Variants in FNDC11 observed in about 807,000 individuals in gnomAD.
The protein encoded by FNDC11 is fibronectin type III domain-containing protein 11.
In FNDC11, 15 loss-of-function variants were observed where a neutral mutation model predicts 15.8. The observed-to-expected ratio is 0.95, with a 90% CI of 0.63 to 1.46. The LOEUF (loss-of-function observed/expected upper bound fraction) is 1.46, where lower values mean the gene tolerates loss of function less well. FNDC11 is among the 40% of genes most tolerant of loss of function. The pLI is 0.00. For synonymous variants in FNDC11, 190 were observed against 203.1 expected, an observed-to-expected ratio of 0.94 and a Z score of 0.55; for missense variants, 416 against 443.4, an observed-to-expected ratio of 0.94 and a Z score of 0.55.
chr20:63,556,373 C>G lies in FNDC11; in HGVS notation c.710C>G (p.Ser237Trp). ...RWFVTIQPAT[S>W]EQYELRFRLL... ...TTCGTCACCATCCAGCCAGCCACAT[C>G]GGAGCAGTATGAGTTGCGCTTCAGG... Residue 237 changes from serine to tryptophan, a missense_variant, in exon 2 of 2, where the codon TCG (serine) becomes TGG (tryptophan). Ser to Trp is a radical substitution (Grantham distance 177, BLOSUM62 -3). Transcript: ENST00000370097. 1.2e-6 allele frequency: 2 copies of G among 1,612,582 alleles called. No individual in the cohort carries two copies. Among genetic ancestry groups the G allele is most frequent in the Non-Finnish European group, 1.7e-6 (2 of 1,179,998 alleles).
upstream of FNDC11, chr20:63,553,861 C>A (rs2082782465): frequency 1.3e-5 from 2 of 152,330 alleles, no homozygotes; most frequent in East Asian, 3.9e-4. Context: ...AGCAGGAACT[C>A]CCTCCCAGTC....
Position 63,556,256 on chromosome 20 carries a change from C to T in FNDC11, c.593C>T (p.Pro198Leu), listed in dbSNP as rs371832022. The T allele has an allele frequency of 3.0e-5, 48 of 1,596,216 alleles. No homozygotes were observed. The highest frequency in any genetic ancestry group is 1.2e-4 in the Admixed American group (7 of 59,536). ...TCTGATGTCAGTGCCACCAAGATCC[C>T]GCACATCTGGCTCATGCTGAGCACC... ...LVSDVSATKI[P>L]HIWLMLSTKM... Residue 198 changes from proline (P) to leucine (L), a missense_variant, in exon 2 of 2, where the codon CCG (proline) becomes CTG (leucine). Physicochemically the swap from Pro to Leu is moderately conservative, Grantham distance 98. Transcript: ENST00000370097.
Position 63,555,829 on chromosome 20 carries a change from C to A in FNDC11, c.166C>A (p.Leu56Met), listed in dbSNP as rs762719641. The A allele has an allele frequency of 4.3e-6, 7 of 1,613,492 alleles. No homozygotes were observed. In the South Asian group the frequency reaches 4.4e-5, roughly 10 times the overall value. Residue 56 changes from leucine to methionine, a missense_variant, in exon 2 of 2, where the codon CTG becomes ATG. Physicochemically the swap from Leu to Met is conservative, Grantham distance 15. Coordinates refer to ENST00000370097, the MANE Select transcript of FNDC11 (RefSeq NM_001319152.2). ...NALREFLTSDLSPHLLKRHHA... is the reference protein window; with the variant it reads ...NALREFLTSDMSPHLLKRHHA... ...CCTGCGTGAGTTCCTGACCTCGGAC[C>A]TGAGTCCGCACCTGCTCAAGCGCCA... is the stretch of plus-strand genomic sequence containing the variant.
At position 63,556,245 on chromosome 20, in the gene FNDC11, C is replaced by T. The variant is rs138506313; in HGVS notation, c.582C>T (p.Ala194=). ...VKHRLVSDVS[A]TKIPHIWLML... The stretch of plus-strand genomic sequence containing the variant: ...ACCGCCTGGTGTCTGATGTCAGTGC[C>T]ACCAAGATCCCGCACATCTGGCTCA... The change falls in exon 2 of 2, where the codon GCC becomes GCT. Residue 194 remains alanine, a synonymous_variant. Coordinates refer to ENST00000370097, the MANE Select transcript of FNDC11 (RefSeq NM_001319152.2). 53 of 1,594,538 alleles carry T rather than the reference C, an allele frequency of 3.3e-5. No homozygotes were observed. Among genetic ancestry groups the T allele is most frequent in the Middle Eastern group, 3.3e-4 (2 of 6,008 alleles).
At chr20:63,554,276 G>A (rs1029006421) in intron 1 of FNDC11, 70 bp downstream of exon 1, 2 of 153,324 alleles carry the variant, frequency 1.3e-5, no homozygotes, top group Non-Finnish European at 2.9e-5. Context: ...GAGAAGGTAA[G>A]GGGCAGGCAG....
chr20:63,553,611 C>G (rs142767923), upstream of FNDC11: 2,397 of 97,876 alleles, frequency 0.024, 74 homozygotes, highest in African/African-American at 0.13. Flanking sequence ...GGGGGGAGCC[C>G]ATGGTGGGAG....
At chr20:63,555,460 C>T (rs1375205221) in intron 1 of FNDC11, 194 bp from the exon 2 acceptor site, 7 of 851,674 alleles carry the variant, frequency 8.2e-6, no homozygotes, top group African/African-American at 5.1e-5. Context: ...AGGTTTTTGC[C>T]CCTCAGTATA....
At chr20:63,553,121 G>T, upstream of FNDC11, 1 of 152,518 alleles carries the variant, frequency 6.6e-6, no homozygotes, top group East Asian at 1.9e-4. Flanking sequence ...GGGCACCTTG[G>T]GGTGTCTAAG....
Position 63,555,433 on chromosome 20 carries a change from CCACTGGTTGT to C in FNDC11, c.-10-218_-10-209del. 3 of 654,946 alleles carry C rather than the reference CCACTGGTTGT, an allele frequency of 4.6e-6. No individual in the cohort carries two copies. The South Asian group carries it at 6.7e-5, about 15-fold the overall frequency. The allele number at this position is 654,946 out of a possible 1,614,324, so 40.6% of individuals were successfully genotyped here. On this transcript the variant is annotated intron_variant, in intron 1 of 1. Transcript: ENST00000370097. ...GTTCTTCCCTGTCCTGTCCCACAGG[CCACTGGTTGT>C]CAGTAGAGGTTTTTGCCCCTCAGTA...
Position 63,555,776 on chromosome 20 carries a change from G to A in FNDC11, c.113G>A (p.Trp38Ter), listed in dbSNP as rs767735709. The change falls in exon 2 of 2, where the codon TGG (tryptophan) becomes TAG (stop). Residue 38 changes from tryptophan (W) to a stop codon, truncating the protein, a stop_gained. Transcript: ENST00000370097. LOFTEE classifies it high-confidence loss of function. ...DDQQLLEPEA[W>*]KTYTERRNAL... ...CAGCAGCTGCTGGAACCAGAGGCGT[G>A]GAAGACCTACACCGAGCGCCGCAAT... 1.2e-6 allele frequency: 2 copies of A among 1,613,376 alleles called. No individual in the cohort carries two copies. Among genetic ancestry groups the A allele is most frequent in the East Asian group, 2.2e-5 (1 of 44,866 alleles).
rs376299359 is a variant in FNDC11 at position 63,555,680 on chromosome 20, C to T, written c.17C>T (p.Ala6Val). ...TCCCGGATAATGAGCACCCATGTGG[C>T]AGGCCTGGGCCTGGACAAGATGAAG... is the stretch of plus-strand genomic sequence containing the variant. MSTHVAGLGLDKMKLG... is the reference protein window; with the variant it reads MSTHVVGLGLDKMKLG... Residue 6 changes from alanine to valine, a missense_variant, in exon 2 of 2, where the codon GCA becomes GTA. By Grantham distance (64) the Ala-to-Val change is moderately conservative. Transcript: ENST00000370097. The T allele has an allele frequency of 6.2e-7, 1 of 1,606,324 alleles. No homozygotes were observed. Among genetic ancestry groups the T allele is most frequent in the Non-Finnish European group, 8.5e-7 (1 of 1,175,434 alleles).
chr20:63,554,361 G>C (rs2082787534), intron 1 of FNDC11, 155 bp downstream of exon 1: 1 of 152,638 alleles, frequency 6.6e-6, no homozygotes, highest in Admixed American at 6.5e-5. Flanking sequence ...CGGGCACCTG[G>C]TGGTCTCAGG....
At chr20:63,555,540 C>G in intron 1 of FNDC11, 114 bp from the exon 2 acceptor site, 1 of 1,431,830 alleles carries the variant, frequency 7.0e-7, no homozygotes, top group South Asian at 1.5e-5. Flanking sequence ...GTTGTGCCCC[C>G]GAAGAAGGAC....
At position 63,556,269 on chromosome 20, in the gene FNDC11, C is replaced by A. The variant is rs146561395; in HGVS notation, c.606C>A (p.Leu202=). The A allele has an allele frequency of 3.7e-5, 59 of 1,599,602 alleles. No homozygotes were observed. The African/African-American group carries it at 7.0e-4, about 19-fold the overall frequency. ...VSATKIPHIW[L]MLSTKMPVVF... ...CCACCAAGATCCCGCACATCTGGCT[C>A]ATGCTGAGCACCAAGATGCCTGTCG... is the stretch of plus-strand genomic sequence containing the variant. The change falls in exon 2 of 2, where the codon CTC becomes CTA. Residue 202 remains leucine, a synonymous_variant. Coordinates refer to ENST00000370097, the MANE Select transcript of FNDC11 (RefSeq NM_001319152.2).
At chr20:63,555,494 GCCCATCCAGCCCTCCAGGCAGCCTCTT>G in intron 1 of FNDC11, 133 bp from the exon 2 acceptor site, 1 of 1,181,040 alleles carries the variant, frequency 8.5e-7, no homozygotes, top group Non-Finnish European at 1.2e-6. Flanking sequence ...TCTGTAGGCT[GCCCATCCAGCCCTCCAGGCAGCCTCTT>G]CCCATCGAGT....
upstream of FNDC11, chr20:63,553,720 C>A (rs1408765130): frequency 1.3e-5 from 2 of 153,470 alleles, no homozygotes; most frequent in Non-Finnish European, 2.9e-5. Context: ...TGGGCAGAGC[C>A]CGCGGCGGGG....
At chr20:63,553,564 G>A (rs1476902121), upstream of FNDC11, among the ~76,000 whole-genome samples, 2 of 128,888 alleles carry the variant, frequency 1.6e-5, no homozygotes, top group Admixed American at 1.4e-4. Context: ...AGCCCGCGGT[G>A]GGAGGAGCCT....
At position 63,555,878 on chromosome 20, in the gene FNDC11, G is replaced by GT. The variant is rs757526393; in HGVS notation, c.216dup (p.Lys73Ter). On this transcript the variant is annotated frameshift_variant, in exon 2 of 2. Coordinates refer to ENST00000370097, the MANE Select transcript of FNDC11 (RefSeq NM_001319152.2). LOFTEE classifies it high-confidence loss of function. ...CACCACGCCCGCATGCAGCTGCTGC[G>GT]TAAGTGCTCCTACTACATCGAGGTC... 2 of 1,611,900 alleles carry GT rather than the reference G, an allele frequency of 1.2e-6. No individual in the cohort carries two copies. Among genetic ancestry groups the GT allele is most frequent in the Admixed American group, 3.3e-5 (2 of 60,030 alleles).
In FNDC11 at chr20:63,556,296, G is replaced by A; in HGVS notation, c.633G>A (p.Val211=). The A allele has an allele frequency of 1.2e-6, 2 of 1,604,216 alleles. No individual in the cohort carries two copies. Among genetic ancestry groups the A allele is most frequent in the Non-Finnish European group, 1.7e-6 (2 of 1,172,642 alleles). ...TGCTGAGCACCAAGATGCCTGTCGTGTTTGACCGAAAGGCGTCGGCGGCTC... is the reference window on the plus strand; with the variant it reads ...TGCTGAGCACCAAGATGCCTGTCGTATTTGACCGAAAGGCGTCGGCGGCTC... ...WLMLSTKMPV[V]FDRKASAAHQ... Residue 211 remains valine (V), a synonymous_variant, in exon 2 of 2, where the codon GTG becomes GTA. Coordinates refer to ENST00000370097, the MANE Select transcript of FNDC11 (RefSeq NM_001319152.2).
Sources: allele counts gnomAD v4.1 joint callset (sites outside exome capture counted in the v4.1 genomes callset), GRCh38; gene constraint gnomAD v4.1.1; transcripts MANE v1.5; gene names NCBI Gene and HGNC (gene_info 2026-07-23, HGNC 2026-07-21).